Variants in FLRT2 observed in about 807,000 individuals in gnomAD.
The protein encoded by FLRT2 is leucine-rich repeat transmembrane protein FLRT2.
FLRT2 carries 15 observed loss-of-function variants against 40.0 expected under a neutral mutation model. The ratio of observed to expected loss-of-function variants is 0.38; its 90% CI spans 0.25 to 0.58. The LOEUF is 0.58. FLRT2 is among the 20% of genes least tolerant of loss of function. The pLI, the probability that FLRT2 is intolerant of heterozygous loss-of-function variation, is 0.71. For missense variants in FLRT2, 726 were observed against 840.0 expected (o/e 0.86, Z 1.68); for synonymous variants, 380 against 336.8 (o/e 1.13, Z -1.41).
chr14:85,542,478 C>T (rs867679537), intron 1 of FLRT2, among the ~76,000 whole-genome samples: 1 of 151,970 alleles, frequency 6.6e-6, no homozygotes, highest in South Asian at 2.1e-4. Context: ...CTGTTAAGAT[C>T]ACATAATATA....
At position 85,622,418 on chromosome 14, in the gene FLRT2, C is replaced by A. The variant is rs1893439026; in HGVS notation, c.904C>A (p.Leu302Met). ...TQGVFDNLSN[L>M]KQLTARNNPW... ...AGGGGTTTTTGATAATCTCTCCAACCTGAAGCAGCTCACTGCTCGGAATAA... is the reference window on the plus strand; with the variant it reads ...AGGGGTTTTTGATAATCTCTCCAACATGAAGCAGCTCACTGCTCGGAATAA... The change falls in exon 2 of 2, where the codon CTG (leucine) becomes ATG (methionine). Residue 302 changes from leucine (L) to methionine (M), a missense_variant. Transcript: ENST00000330753. 3.1e-6 allele frequency: 5 copies of A among 1,614,012 alleles called. No homozygotes were observed. The South Asian group carries it at 5.5e-5, about 18-fold the overall frequency.
chr14:85,579,269 C>T (rs1158792910), intron 1 of FLRT2, among the ~76,000 whole-genome samples: 4 of 152,102 alleles, frequency 2.6e-5, no homozygotes, highest in Admixed American at 2.0e-4. Context: ...TCTCCTTCTC[C>T]TTCCTTTTTA....
chr14:85,558,469 C>T (rs1341902592), intron 1 of FLRT2, among the ~76,000 whole-genome samples: 4 of 151,988 alleles, frequency 2.6e-5, no homozygotes, highest in Non-Finnish European at 5.9e-5. Context: ...GGATAAATGT[C>T]GATATGCATT....
chr14:85,578,271 C>G (rs1476054099), intron 1 of FLRT2, among the ~76,000 whole-genome samples: 1 of 149,224 alleles, frequency 6.7e-6, no homozygotes, highest in East Asian at 2.0e-4. Flanking sequence ...GTTTTAGCCC[C>G]TAGTTCTCCA....
intron 1 of FLRT2, among the ~76,000 whole-genome samples, chr14:85,598,916 G>GTTTTTTT (rs11449675): frequency 4.2e-5 from 5 of 120,298 alleles, no homozygotes; most frequent in East Asian, 2.6e-4. Context: ...AAATGGGATG[G>GTTTTTTT]TTTTTTTTTT....
At chr14:85,555,398 C>T (rs2139833068) in intron 1 of FLRT2, among the ~76,000 whole-genome samples, 1 of 152,234 alleles carries the variant, frequency 6.6e-6, no homozygotes. Context: ...CTGGGGAAGC[C>T]TCACAATCAT....
At chr14:85,589,383 A>G (rs1176751593) in intron 1 of FLRT2, among the ~76,000 whole-genome samples, 7 of 152,156 alleles carry the variant, frequency 4.6e-5, no homozygotes, top group Non-Finnish European at 8.8e-5. Context: ...GCACCTTTTC[A>G]TATGCCTGAT....
chr14:85,579,104 C>T (rs1172214346), intron 1 of FLRT2, among the ~76,000 whole-genome samples: 1 of 152,152 alleles, frequency 6.6e-6, no homozygotes, highest in African/African-American at 2.4e-5. Context: ...TAAGGTCCTC[C>T]TTTCTGCCAG....
At chr14:85,587,138 G>A (rs1891654489) in intron 1 of FLRT2, among the ~76,000 whole-genome samples, 2 of 152,072 alleles carry the variant, frequency 1.3e-5, no homozygotes, top group African/African-American at 4.8e-5. Context: ...AGGAAGCTTT[G>A]TTGTACTTCG....
intron 1 of FLRT2, among the ~76,000 whole-genome samples, chr14:85,543,000 C>G (rs1356436433): frequency 1.3e-5 from 2 of 152,186 alleles, no homozygotes; most frequent in Non-Finnish European, 2.9e-5. Flanking sequence ...ACCGAAGGAG[C>G]TGGTTAGAAA....
rs555287465 is a variant in FLRT2 at position 85,651,734 on chromosome 14, A to G, written c.*28237A>G. ...TATCCTTTCTATGTCTTTATGATTA[A>G]ATTGTGTGCCTTACAAGGAGGTTTT... is the stretch of plus-strand genomic sequence containing the variant. On this transcript the variant is annotated 3_prime_UTR_variant, in exon 2 of 2. Coordinates refer to ENST00000330753, the MANE Select transcript of FLRT2 (RefSeq NM_013231.6). 9 of 152,112 alleles carry G rather than the reference A, an allele frequency of 5.9e-5. No homozygotes were observed. The highest frequency in any genetic ancestry group is 1.9e-4 in the African/African-American group (8 of 41,528). The allele number at this position is 152,112 out of a possible 1,614,324, so 9.4% of individuals were successfully genotyped here.
chr14:85,595,613 C>T (rs989079628), intron 1 of FLRT2, among the ~76,000 whole-genome samples: 2 of 152,088 alleles, frequency 1.3e-5, no homozygotes, highest in South Asian at 2.1e-4. Context: ...GAAGAAAGAA[C>T]CCTTTGAAGT....
intron 1 of FLRT2, among the ~76,000 whole-genome samples, chr14:85,566,034 A>G (rs578118204): frequency 6.6e-6 from 1 of 152,312 alleles, no homozygotes; most frequent in South Asian, 2.1e-4. Flanking sequence ...CATTAGAATA[A>G]GAAACATGAG....
intron 1 of FLRT2, among the ~76,000 whole-genome samples, chr14:85,619,564 C>A (rs569976073): frequency 4.6e-4 from 70 of 152,256 alleles, no homozygotes; most frequent in African/African-American, 1.6e-3. Context: ...AACACATTTA[C>A]AACATCCTTG....
At chr14:85,605,602 C>T (rs1429941897) in intron 1 of FLRT2, among the ~76,000 whole-genome samples, 2 of 151,998 alleles carry the variant, frequency 1.3e-5, no homozygotes, top group East Asian at 1.9e-4. Flanking sequence ...AACCCCGTCT[C>T]TACTAAAAAT....
chr14:85,616,558 C>T (rs1893143833), intron 1 of FLRT2, among the ~76,000 whole-genome samples: 1 of 152,172 alleles, frequency 6.6e-6, no homozygotes, highest in African/African-American at 2.4e-5. Context: ...TCATCTCTGG[C>T]TTCACATTAC....
At chr14:85,584,561 G>GC (rs1052171360) in intron 1 of FLRT2, among the ~76,000 whole-genome samples, 3 of 152,092 alleles carry the variant, frequency 2.0e-5, no homozygotes, top group African/African-American at 4.8e-5. Flanking sequence ...ATGACAGTAT[G>GC]CCCCCCAGAG....
rs1444047933 is a variant in FLRT2, at chr14:85,644,674, C to G, written c.*21177C>G. 6.6e-6 allele frequency: 1 copy of G among 152,158 alleles called. No homozygotes were observed. The highest frequency in any genetic ancestry group is 6.5e-5 in the Admixed American group (1 of 15,268). The allele number at this position is 152,158 out of a possible 1,614,324, so 9.4% of individuals were successfully genotyped here. ...GGGCTCCCTGGATGTTTGAAGGCAA[C>G]ATATACTAGTTTTAGATGCGCTGCT... On this transcript the variant is annotated 3_prime_UTR_variant, in exon 2 of 2. Coordinates refer to ENST00000330753, the MANE Select transcript of FLRT2 (RefSeq NM_013231.6).
chr14:85,632,680 A>G lies in FLRT2; in HGVS notation c.*9183A>G, dbSNP rs1351657925. On this transcript the variant is annotated 3_prime_UTR_variant, in exon 2 of 2. Coordinates refer to ENST00000330753, the MANE Select transcript of FLRT2 (RefSeq NM_013231.6). ...TATGTCATATCCCATATAAAAATAC[A>G]GCATATATCATTTAAAGGTTCACAT... 2 of 152,178 alleles carry G rather than the reference A, an allele frequency of 1.3e-5. No homozygotes were observed. The highest frequency in any genetic ancestry group is 2.9e-5 in the Non-Finnish European group (2 of 68,044). The allele number at this position is 152,178 out of a possible 1,614,324, so 9.4% of individuals were successfully genotyped here. A position where few individuals can be genotyped will look rare whatever the true frequency, so the allele number is the denominator to read the frequency against.
Sources: allele counts gnomAD v4.1 joint callset (sites outside exome capture counted in the v4.1 genomes callset), GRCh38; gene constraint gnomAD v4.1.1; transcripts MANE v1.5; gene names NCBI Gene and HGNC (gene_info 2026-07-23, HGNC 2026-07-21).